The following ENTREP2 variants were observed in gnomAD, a reference collection of about 807,000 sequenced individuals.
ENTREP2 encodes the protein protein ENTREP2.
the ENTREP2 span, among the ~76,000 whole-genome samples, chr15:29,541,199 A>C: frequency 6.6e-6 from 1 of 152,188 alleles, no homozygotes; most frequent in Non-Finnish European, 1.5e-5. Flanking sequence ...CAAGCTGAGA[A>C]AGACTCACCA....
chr15:29,325,027 C>G, the ENTREP2 span, among the ~76,000 whole-genome samples: 2 of 152,088 alleles, frequency 1.3e-5, no homozygotes, highest in African/African-American at 4.8e-5. Context: ...CTAGAAATCA[C>G]TAACAGAAAA....
chr15:29,625,212 T>G, the ENTREP2 span, among the ~76,000 whole-genome samples: 6 of 152,364 alleles, frequency 3.9e-5, no homozygotes, highest in East Asian at 9.6e-4. Context: ...ATCAATAGTT[T>G]TCATTGCTGA....
the ENTREP2 span, among the ~76,000 whole-genome samples, chr15:29,249,158 G>T: frequency 6.6e-6 from 1 of 152,030 alleles, no homozygotes; most frequent in Admixed American, 6.6e-5. Flanking sequence ...CAGTATAAAA[G>T]TTAGCTGGGC....
chr15:29,158,547 G>A, the ENTREP2 span, among the ~76,000 whole-genome samples: 10 of 151,946 alleles, frequency 6.6e-5, no homozygotes, highest in African/African-American at 2.2e-4. Context: ...CTGGACTACA[G>A]GAGCACGCCA....
the ENTREP2 span, among the ~76,000 whole-genome samples, chr15:29,465,604 T>G: frequency 6.6e-6 from 1 of 152,232 alleles, no homozygotes; most frequent in Non-Finnish European, 1.5e-5. Context: ...CAGGCAATCC[T>G]GGATGTACTC....
chr15:29,566,707 T>G, the ENTREP2 span, among the ~76,000 whole-genome samples: 7 of 152,108 alleles, frequency 4.6e-5, no homozygotes, highest in Middle Eastern at 3.4e-3. Flanking sequence ...TCCGCCCGCC[T>G]CAGTCTCCCA....
chr15:29,563,698 G>T, the ENTREP2 span, among the ~76,000 whole-genome samples: 1 of 152,136 alleles, frequency 6.6e-6, no homozygotes. Context: ...GGGTGTGGTG[G>T]AAAGCACCTG....
chr15:29,658,650 A>T, the ENTREP2 span, among the ~76,000 whole-genome samples: 1 of 150,366 alleles, frequency 6.7e-6, no homozygotes, highest in African/African-American at 2.4e-5. Context: ...ACAAATCAAT[A>T]AAAAAAAACA....
At chr15:29,379,683 CCAT>C in the ENTREP2 span, among the ~76,000 whole-genome samples, 1 of 152,148 alleles carries the variant, frequency 6.6e-6, no homozygotes, top group Admixed American at 6.5e-5. Context: ...TCAGCCACCA[CCAT>C]AAGGGGTCCT....
chr15:29,527,519 C>T, the ENTREP2 span, among the ~76,000 whole-genome samples: 1 of 152,144 alleles, frequency 6.6e-6, no homozygotes, highest in Non-Finnish European at 1.5e-5. Context: ...TCTCATCTTC[C>T]CCACTGAAAT....
chr15:29,528,689 T>C, the ENTREP2 span, among the ~76,000 whole-genome samples: 1 of 149,674 alleles, frequency 6.7e-6, no homozygotes, highest in African/African-American at 2.6e-5. Context: ...TAATTCTAGA[T>C]AGTAGGATTA....
the ENTREP2 span, among the ~76,000 whole-genome samples, chr15:29,324,106 A>AT: frequency 0.026 from 3,829 of 149,992 alleles, 69 homozygotes; most frequent in Non-Finnish European, 0.036. Context: ...ACATAGTAGA[A>AT]TTTTTTTTTT....
the ENTREP2 span, among the ~76,000 whole-genome samples, chr15:29,651,670 T>C: frequency 2.0e-5 from 3 of 152,222 alleles, no homozygotes; most frequent in Non-Finnish European, 4.4e-5. Flanking sequence ...TGAAGCATGG[T>C]TGGGGCCAAG....
the ENTREP2 span, chr15:29,376,260 T>A: frequency 6.6e-6 from 1 of 152,198 alleles, no homozygotes; most frequent in African/African-American, 2.4e-5. Flanking sequence ...TTATACCGCC[T>A]GTGATTGTGG....
chr15:29,201,420 C>G, the ENTREP2 span, among the ~76,000 whole-genome samples: 2 of 152,174 alleles, frequency 1.3e-5, no homozygotes, highest in Admixed American at 6.5e-5. Context: ...TTTGTAGATG[C>G]TCTTTTTCAA....
chr15:29,223,644 G>A, the ENTREP2 span, among the ~76,000 whole-genome samples: 1 of 152,120 alleles, frequency 6.6e-6, no homozygotes, highest in African/African-American at 2.4e-5. Context: ...ACTTCTTGCA[G>A]ACACTAAAGC....
the ENTREP2 span, among the ~76,000 whole-genome samples, chr15:29,358,408 T>C: frequency 6.6e-6 from 1 of 152,212 alleles, no homozygotes; most frequent in South Asian, 2.1e-4. Flanking sequence ...GATGTGTACA[T>C]ATGTGTAAAA....
At chr15:29,659,482 A>AAAT in the ENTREP2 span, among the ~76,000 whole-genome samples, 32 of 151,932 alleles carry the variant, frequency 2.1e-4, no homozygotes, top group African/African-American at 6.5e-4. Flanking sequence ...AAAAAATAAA[A>AAAT]AATAATAATA....
the ENTREP2 span, among the ~76,000 whole-genome samples, chr15:29,524,507 G>A: frequency 6.6e-6 from 1 of 152,200 alleles, no homozygotes; most frequent in Non-Finnish European, 1.5e-5. Flanking sequence ...TCTGACCTGG[G>A]GTTCTTGGCC....
Sources: allele counts gnomAD v4.1 joint callset (sites outside exome capture counted in the v4.1 genomes callset), GRCh38; gene constraint gnomAD v4.1.1; transcripts MANE v1.5; gene names NCBI Gene and HGNC (gene_info 2026-07-23, HGNC 2026-07-21).